PCMTD2: variants seen among roughly 807,000 people sequenced by gnomAD.
PCMTD2 encodes the protein protein-L-isoaspartate (D-aspartate) O-methyltransferase domain containing 2.
In PCMTD2, 16 loss-of-function variants were observed where a neutral mutation model predicts 33.4. The observed-to-expected ratio is 0.48, with a 90% confidence interval of 0.32 to 0.73. The LOEUF (loss-of-function observed/expected upper bound fraction) is 0.73. Among genes scored for constraint, PCMTD2 ranks in the 30% least tolerant of loss-of-function variants. The pLI is 0.03. For synonymous variants in PCMTD2, 161 were observed against 160.8 expected (o/e 1.00, Z -0.01); for missense variants, 374 against 449.9 (o/e 0.83, Z 1.53).
At chr20:64,269,052 TAGTCAG>T (rs1356336061) in intron 5 of PCMTD2, among the ~76,000 whole-genome samples, 1 of 152,226 alleles carries the variant, frequency 6.6e-6, no homozygotes, top group Non-Finnish European at 1.5e-5. Context: ...GTTCCCCGTG[TAGTCAG>T]AGTTGGGACT....
At position 64,255,888 on chromosome 20, in the gene PCMTD2, G is replaced by GCCGCCGCCC. The variant is rs1985134296; in HGVS notation, c.-25+20_-25+28dup. On this transcript the variant is annotated intron_variant, in intron 1 of 5. Coordinates refer to ENST00000308824, the MANE Select transcript of PCMTD2 (RefSeq NM_018257.3). ...GCCTGGAGGTAGAGCCGCCGCCGCC[G>GCCGCCGCCC]CCGCCGCCCCTCGGTCCGGCCTGCG... 6.8e-6 allele frequency: 1 copy of GCCGCCGCCC among 146,930 alleles called. No individual in the cohort carries two copies. The allele number at this position is 146,930 out of a possible 1,614,324, so 9.1% of individuals were successfully genotyped here. A position where few individuals can be genotyped will look rare whatever the true frequency, so the allele number is the denominator to read the frequency against.
intron 5 of PCMTD2, 151 bp downstream of exon 5, chr20:64,268,161 A>C (rs559194486): frequency 2.8e-6 from 1 of 359,344 alleles, no homozygotes; most frequent in Admixed American, 4.6e-5. Context: ...AATTTCAGGC[A>C]TTATAAAAAT....
chr20:64,260,278 T>C lies in PCMTD2; in HGVS notation c.307+6T>C, dbSNP rs766119099. 6 of 1,592,262 alleles carry C rather than the reference T, an allele frequency of 3.8e-6. No homozygotes were observed. The highest frequency in any genetic ancestry group is 5.2e-6 in the Non-Finnish European group (6 of 1,161,552). On this transcript the variant is annotated splice_donor_region_variant and intron_variant, in intron 2 of 5. Coordinates refer to ENST00000308824, the MANE Select transcript of PCMTD2 (RefSeq NM_018257.3). ...CATGGTGGGCCTCATTCTAGGTAAGTGTGGAAGGAGAGTCTGAAAACTCAT... is the reference window on the plus strand; with the variant it reads ...CATGGTGGGCCTCATTCTAGGTAAGCGTGGAAGGAGAGTCTGAAAACTCAT...
rs1986014806 is a variant in PCMTD2, at chr20:64,273,911, G to GT, written c.*312dup. 1 of 241,534 alleles carries GT rather than the reference G, an allele frequency of 4.1e-6. No homozygotes were observed. Among genetic ancestry groups the GT allele is most frequent in the South Asian group, 1.4e-4 (1 of 7,340 alleles). 15.0% of individuals were successfully genotyped at this position (241,534 alleles called of 1,614,324 possible). On this transcript the variant is annotated 3_prime_UTR_variant, in exon 6 of 6. Coordinates refer to ENST00000308824, the MANE Select transcript of PCMTD2 (RefSeq NM_018257.3). ...GCTCTGACGAAACACTGAAGTCTGC[G>GT]TAAGAGAGACTGTTTGATGACCGTC...
Position 64,260,268 on chromosome 20 carries a change from T to G in PCMTD2, c.303T>G (p.Ile101Met), listed in dbSNP as rs1204024157. 3.7e-6 allele frequency: 6 copies of G among 1,604,302 alleles called. No homozygotes were observed. Among genetic ancestry groups the G allele is most frequent in the Non-Finnish European group, 4.3e-6 (5 of 1,171,422 alleles). ...ATCTCAGCTCCATGGTGGGCCTCAT[T>G]CTAGGTAAGTGTGGAAGGAGAGTCT... ...TGYLSSMVGL[I>M]LGPFGVNHGV... The change falls in exon 2 of 6, where the codon ATT becomes ATG. Residue 101 changes from isoleucine (I) to methionine (M), a missense_variant. Transcript: ENST00000308824.
At chr20:64,267,421 G>GT (rs752920929) in intron 4 of PCMTD2, among the ~76,000 whole-genome samples, 4 of 152,168 alleles carry the variant, frequency 2.6e-5, no homozygotes, top group African/African-American at 4.8e-5. Context: ...AACAGTATCT[G>GT]TTACTACAGT....
At chr20:64,264,745 A>G (rs1477141535) in intron 3 of PCMTD2, among the ~76,000 whole-genome samples, 1 of 152,224 alleles carries the variant, frequency 6.6e-6, no homozygotes, top group Non-Finnish European at 1.5e-5. Context: ...CATTTGCTCA[A>G]TATTCATGTT....
At chr20:64,265,216 A>T in intron 3 of PCMTD2, 42 bp from the exon 4 acceptor site, 1 of 1,490,512 alleles carries the variant, frequency 6.7e-7, no homozygotes, top group Non-Finnish European at 9.2e-7. Context: ...GACTTGTTGC[A>T]ATGTGATACT....
In PCMTD2 at chr20:64,274,114, G is replaced by A. The variant is rs961571584; in HGVS notation, c.*514G>A. 35 of 152,350 alleles carry A rather than the reference G, an allele frequency of 2.3e-4. No individual in the cohort carries two copies. The highest frequency in any genetic ancestry group is 8.0e-4 in the African/African-American group (33 of 41,466). The allele number at this position is 152,350 out of a possible 1,614,324, so 9.4% of individuals were successfully genotyped here. A position where few individuals can be genotyped will look rare whatever the true frequency, so the allele number is the denominator to read the frequency against. Reference sequence around the variant, plus strand: ...TGTACCACTTAATTACTGGCACTGAGTATCACTGAATTTCTTAGTTTTCTA... The same window carrying A: ...TGTACCACTTAATTACTGGCACTGAATATCACTGAATTTCTTAGTTTTCTA... On this transcript the variant is annotated 3_prime_UTR_variant, in exon 6 of 6. Coordinates refer to ENST00000308824, the MANE Select transcript of PCMTD2 (RefSeq NM_018257.3).
Position 64,255,757 on chromosome 20 carries a change from C to T in PCMTD2, c.-138C>T, listed in dbSNP as rs1420917599. 1 of 167,494 alleles carries T rather than the reference C, an allele frequency of 6.0e-6. No homozygotes were observed. Among genetic ancestry groups the T allele is most frequent in the Non-Finnish European group, 1.2e-5 (1 of 84,788 alleles). 10.4% of individuals were successfully genotyped at this position (167,494 alleles called of 1,614,324 possible). A position where few individuals can be genotyped will look rare whatever the true frequency, so the allele number is the denominator to read the frequency against. On this transcript the variant is annotated 5_prime_UTR_variant, in exon 1 of 6. It adds an upstream start codon to the 5' untranslated region. Transcript: ENST00000308824. Reference sequence around the variant, plus strand: ...CGGCGGCGGCGGCGGCGGATGTTTACGGCGGCCGAGGTTGGAGCGGCGCTG... The same window carrying T: ...CGGCGGCGGCGGCGGCGGATGTTTATGGCGGCCGAGGTTGGAGCGGCGCTG...
intron 1 of PCMTD2, chr20:64,258,721 T>G (rs764207722): frequency 3.9e-5 from 6 of 152,194 alleles, no homozygotes; most frequent in Non-Finnish European, 5.9e-5. Context: ...AGTATAAACT[T>G]CATCATAATT....
chr20:64,268,072 A>G, intron 5 of PCMTD2, 62 bp downstream of exon 5: 1 of 1,389,004 alleles, frequency 7.2e-7, no homozygotes, highest in Non-Finnish European at 9.9e-7. Context: ...TTAGATTTTA[A>G]AAGGAAACAA....
intron 5 of PCMTD2, chr20:64,272,095 G>C: frequency 4.8e-6 from 2 of 412,494 alleles, no homozygotes; most frequent in Non-Finnish European, 9.8e-6. Flanking sequence ...CTTGTCTGTG[G>C]AGTCAGAAAA....
At chr20:64,267,806 T>C (rs969402633) in intron 4 of PCMTD2, 81 bp from the exon 5 acceptor site, 3 of 1,154,256 alleles carry the variant, frequency 2.6e-6, no homozygotes, top group Non-Finnish European at 3.8e-6. Flanking sequence ...TATGTATTTT[T>C]ATAGTATGTA....
chr20:64,274,278 TC>T lies in PCMTD2; in HGVS notation c.*680del, dbSNP rs1308005160. On this transcript the variant is annotated 3_prime_UTR_variant, in exon 6 of 6. Coordinates refer to ENST00000308824, the MANE Select transcript of PCMTD2 (RefSeq NM_018257.3). ...AATTGCCAGATAATCTTTCTGGAAT[TC>T]CGAGAGAATTCCAAAGAGGGTTTTT... 1 of 151,184 alleles carries T rather than the reference TC, an allele frequency of 6.6e-6. No homozygotes were observed. The highest frequency in any genetic ancestry group is 1.5e-5 in the Non-Finnish European group (1 of 67,928). The allele number at this position is 151,184 out of a possible 1,614,324, so 9.4% of individuals were successfully genotyped here.
chr20:64,266,316 G>A lies in PCMTD2; in HGVS notation c.582+887G>A, dbSNP rs190289864. 1.9e-3 allele frequency among the ~76,000 whole-genome samples: 286 copies of A among 152,244 alleles called. 2 individuals carry two copies. The highest frequency in any genetic ancestry group is 6.7e-3 in the African/African-American group (279 of 41,540). The stretch of plus-strand genomic sequence containing the variant: ...TCTGTCGCCCAGGCTGGAGTGCAGT[G>A]GCGCGATCTCAGCTTAGTGCAACCT... On this transcript the variant is annotated intron_variant, in intron 4 of 5. Transcript: ENST00000308824.
Position 64,270,656 on chromosome 20 carries a change from C to G in PCMTD2, c.707-2565C>G, listed in dbSNP as rs557191684. On this transcript the variant is annotated intron_variant, in intron 5 of 5. Transcript: ENST00000308824. ...TGGAAAGCTGTTGAAATTTTCCAGG[C>G]GAGAGATAAAGATAAAAACTAAGAC... Among the ~76,000 whole-genome samples, 7 of 152,204 alleles carry G rather than the reference C, an allele frequency of 4.6e-5. No individual in the cohort carries two copies. In the South Asian group the frequency reaches 1.5e-3, roughly 32 times the overall value.
intron 1 of PCMTD2, among the ~76,000 whole-genome samples, chr20:64,258,308 A>G (rs1985255494): frequency 6.6e-6 from 1 of 152,196 alleles, no homozygotes; most frequent in South Asian, 2.1e-4. Context: ...CCTCATTAGG[A>G]CTTAATTCCA....
chr20:64,260,881 AC>A (rs1288349844), intron 2 of PCMTD2, among the ~76,000 whole-genome samples: 4 of 151,320 alleles, frequency 2.6e-5, no homozygotes, highest in African/African-American at 9.7e-5. Flanking sequence ...ATTTTTAGAG[AC>A]GGGGTCTCGC....
Sources: allele counts gnomAD v4.1 joint callset (sites outside exome capture counted in the v4.1 genomes callset), GRCh38; gene constraint gnomAD v4.1.1; transcripts MANE v1.5; gene names NCBI Gene and HGNC (gene_info 2026-07-23, HGNC 2026-07-21).